CSMD1: variants seen among roughly 807,000 people sequenced by gnomAD.
CSMD1 encodes CUB and Sushi multiple domains 1, also known as CUB and sushi domain-containing protein 1.
Under a neutral mutation model 417.5 loss-of-function variants are expected in CSMD1, and 213 were observed. That is an observed-to-expected ratio of 0.51 (90% CI 0.46 to 0.57). CSMD1 has a LOEUF of 0.57. Ranked by LOEUF, CSMD1 falls within the 20% of genes least tolerant of loss-of-function variation. CSMD1 has a pLI of 0.00. For missense variants in CSMD1, 6,923 were observed against 4,529.7 expected, an observed-to-expected ratio of 1.53 and a Z score of -15.17; for synonymous variants, 2,862 against 1,736.8, an observed-to-expected ratio of 1.65 and a Z score of -16.11.
Position 3,913,818 on chromosome 8 carries a change from G to C in CSMD1, c.818+84085C>G, listed in dbSNP as rs140507727. On this transcript the variant is annotated intron_variant, in intron 5 of 69. Transcript: ENST00000635120. The stretch of plus-strand genomic sequence containing the variant: ...TGGGCACCAGAGTACTAGAGTATTA[G>C]AACCAACTCAGACGGTCTAATCACC... Among the ~76,000 whole-genome samples, 243 of 152,234 alleles carry C rather than the reference G, an allele frequency of 1.6e-3. 1 individual carries two copies. The highest frequency in any genetic ancestry group is 5.5e-3 in the African/African-American group (230 of 41,534).
intron 5 of CSMD1, among the ~76,000 whole-genome samples, chr8:3,769,875 A>G (rs564882252): frequency 6.6e-6 from 1 of 152,350 alleles, no homozygotes; most frequent in South Asian, 2.1e-4. Flanking sequence ...CGTATGTGTC[A>G]GAAGGGATGT....
At chr8:4,300,568 T>G (rs577659576) in intron 3 of CSMD1, among the ~76,000 whole-genome samples, 24 of 152,304 alleles carry the variant, frequency 1.6e-4, no homozygotes, top group Admixed American at 7.8e-4. Context: ...AGTTTTAGGG[T>G]ACATGTGCAC....
At chr8:3,516,435 C>G (rs1028677906) in intron 10 of CSMD1, among the ~76,000 whole-genome samples, 1 of 152,112 alleles carries the variant, frequency 6.6e-6, no homozygotes, top group Non-Finnish European at 1.5e-5. Context: ...AATCGTCTAG[C>G]CAGGCCTGGT....
chr8:3,890,229 G>C (rs796190262), intron 5 of CSMD1, among the ~76,000 whole-genome samples: 5 of 152,210 alleles, frequency 3.3e-5, no homozygotes, highest in African/African-American at 9.6e-5. Context: ...TAAAAGATAA[G>C]AAATATTCTT....
chr8:3,164,200 C>T (rs939042510), intron 37 of CSMD1, among the ~76,000 whole-genome samples: 4 of 152,170 alleles, frequency 2.6e-5, no homozygotes, highest in African/African-American at 9.7e-5. Context: ...GAATGGAAAG[C>T]AGTGGTACAT....
At chr8:2,954,848 C>A (rs1262107837) in intron 64 of CSMD1, among the ~76,000 whole-genome samples, 1 of 152,150 alleles carries the variant, frequency 6.6e-6, no homozygotes, top group Non-Finnish European at 1.5e-5. Flanking sequence ...GCAAGGGAAA[C>A]AAAAGTCTCT....
At chr8:4,032,582 C>T (rs1223255719) in intron 3 of CSMD1, among the ~76,000 whole-genome samples, 2 of 152,096 alleles carry the variant, frequency 1.3e-5, no homozygotes, top group East Asian at 1.9e-4. Flanking sequence ...ACCCAACGCT[C>T]AATCAACATT....
At position 4,979,047 on chromosome 8, in the gene CSMD1, T is replaced by A. The variant is rs900108551; in HGVS notation, c.85+15285A>T. Among the ~76,000 whole-genome samples, 4 of 152,350 alleles carry A rather than the reference T, an allele frequency of 2.6e-5. No homozygotes were observed. In the East Asian group the frequency reaches 7.7e-4, roughly 29 times the overall value. ...ATTTCCTATTATTTCCTCTCATCGT[T>A]CTTTTCATAGTCACTTCAAATTTCC... On this transcript the variant is annotated intron_variant, in intron 1 of 69. Transcript: ENST00000635120.
chr8:4,646,331 A>G (rs961832869), intron 1 of CSMD1, among the ~76,000 whole-genome samples: 1 of 152,130 alleles, frequency 6.6e-6, no homozygotes, highest in African/African-American at 2.4e-5. Context: ...GGTCAGTAGG[A>G]TTGAGTTGTT....
intron 16 of CSMD1, among the ~76,000 whole-genome samples, chr8:3,398,830 G>A (rs1209552154): frequency 1.3e-5 from 2 of 152,086 alleles, no homozygotes; most frequent in East Asian, 1.9e-4. Context: ...TACCTACGCA[G>A]CCCAGCATGC....
At chr8:2,997,104 G>C (rs567912043) in intron 54 of CSMD1, among the ~76,000 whole-genome samples, 195 of 152,320 alleles carry the variant, frequency 1.3e-3, no homozygotes, top group Non-Finnish European at 2.6e-3. Flanking sequence ...CTGCACTGTG[G>C]TTAGTTGAGT....
At chr8:3,153,246 T>C (rs1335131050) in intron 39 of CSMD1, among the ~76,000 whole-genome samples, 3 of 152,182 alleles carry the variant, frequency 2.0e-5, no homozygotes, top group Non-Finnish European at 4.4e-5. Context: ...GTCAGGAACT[T>C]ACCCTCTATG....
intron 3 of CSMD1, among the ~76,000 whole-genome samples, chr8:4,241,616 T>A (rs1257116806): frequency 6.6e-6 from 1 of 152,118 alleles, no homozygotes; most frequent in Non-Finnish European, 1.5e-5. Context: ...AGGATTTCTA[T>A]GTAGAGGAGA....
intron 6 of CSMD1, among the ~76,000 whole-genome samples, chr8:3,745,893 C>T (rs1307226043): frequency 3.3e-5 from 5 of 152,162 alleles, no homozygotes; most frequent in Non-Finnish European, 7.3e-5. Context: ...GGGGAGCAGT[C>T]ACTACAGCAG....
intron 2 of CSMD1, among the ~76,000 whole-genome samples, chr8:4,449,233 G>C (rs141734992): frequency 6.6e-5 from 10 of 152,272 alleles, no homozygotes; most frequent in African/African-American, 2.4e-4. Flanking sequence ...TAATTACACT[G>C]TCTATGCTTA....
intron 5 of CSMD1, among the ~76,000 whole-genome samples, chr8:3,978,282 C>T (rs1306466843): frequency 6.6e-6 from 1 of 152,184 alleles, no homozygotes; most frequent in Non-Finnish European, 1.5e-5. Context: ...TCAGTCACCC[C>T]TGTAACCACA....
chr8:4,773,936 C>T lies in CSMD1; in HGVS notation c.86-136378G>A, dbSNP rs542701155. ...CTTGGCTGGGTGCAGTGGCTCACGC[C>T]TGAAATCTCAGCACTTTTTGAGGCA... On this transcript the variant is annotated intron_variant, in intron 1 of 69. Coordinates refer to ENST00000635120, the MANE Select transcript of CSMD1 (RefSeq NM_033225.6). Among the ~76,000 whole-genome samples, 20 of 152,316 alleles carry T rather than the reference C, an allele frequency of 1.3e-4. No homozygotes were observed. In the South Asian group the frequency reaches 4.1e-3, roughly 32 times the overall value.
intron 54 of CSMD1, among the ~76,000 whole-genome samples, chr8:2,979,471 G>A (rs548762318): frequency 3.3e-5 from 5 of 152,342 alleles, no homozygotes; most frequent in Admixed American, 3.3e-4. Flanking sequence ...AATTAGCGAT[G>A]TGCTTTTGCA....
At chr8:3,817,144 T>C (rs754916639) in intron 5 of CSMD1, among the ~76,000 whole-genome samples, 1 of 150,980 alleles carries the variant, frequency 6.6e-6, no homozygotes, top group East Asian at 2.0e-4. Context: ...TGAAGGGACA[T>C]GTGTTCCTCG....
Sources: gnomAD v4.1 joint callset for allele counts (sites outside exome capture counted in the v4.1 genomes callset) on GRCh38, gnomAD v4.1.1 for gene constraint, MANE v1.5 for transcripts, NCBI Gene and HGNC (gene_info 2026-07-23, HGNC 2026-07-21) for gene names.